Variants in B3GAT2 observed in about 807,000 individuals in gnomAD.
B3GAT2 encodes beta-1,3-glucuronyltransferase 2, also known as galactosylgalactosylxylosylprotein 3-beta-glucuronosyltransferase 2.
A neutral mutation model predicts 27.8 loss-of-function variants in B3GAT2; 26 were observed. The ratio of observed to expected loss-of-function variants is 0.93; its 90% CI spans 0.68 to 1.30. The LOEUF is 1.30. B3GAT2 is among the 50% of genes most tolerant of loss of function. The probability of loss-of-function intolerance (pLI) is 0.00; values close to 1 mark genes in which losing one functional copy is unlikely to be tolerated. For synonymous variants in B3GAT2, 218 were observed against 195.1 expected (o/e 1.12, Z -0.98); for missense variants, 458 against 459.0 (o/e 1.00, Z 0.02).
rs68188898 is a variant in B3GAT2, at chr6:70,858,287, CTTTTTTTT to C, written c.*3368_*3375del. ...ATCAAACCAGATTTATTTTCTAAAT[CTTTTTTTT>C]TTTTTTTTTTTTTTTTTTTTAAGTC... On this transcript the variant is annotated 3_prime_UTR_variant, in exon 4 of 4. Transcript: ENST00000230053. 230 of 290,694 alleles carry C rather than the reference CTTTTTTTT, an allele frequency of 7.9e-4. 1 individual carries two copies. Among genetic ancestry groups the C allele is most frequent in the African/African-American group, 5.1e-3 (118 of 23,084 alleles). The allele number at this position is 290,694 out of a possible 1,614,324, so 18.0% of individuals were successfully genotyped here.
intron 1 of B3GAT2, among the ~76,000 whole-genome samples, chr6:70,915,319 G>A (rs1429387155): frequency 1.3e-5 from 2 of 151,626 alleles, no homozygotes; most frequent in African/African-American, 4.8e-5. Context: ...TTTGTCAGAT[G>A]GATAGATTGA....
At position 70,956,637 on chromosome 6, in the gene B3GAT2, AG is replaced by A. The variant is rs1310721498; in HGVS notation, c.-209del. 3.6e-6 allele frequency: 5 copies of A among 1,399,488 alleles called. No homozygotes were observed. In the Admixed American group the frequency reaches 9.1e-5, roughly 25 times the overall value. The allele number at this position is 1,399,488 out of a possible 1,614,324, so 86.7% of individuals were successfully genotyped here. A position where few individuals can be genotyped will look rare whatever the true frequency, so the allele number is the denominator to read the frequency against. On this transcript the variant is annotated 5_prime_UTR_variant, in exon 1 of 4. Transcript: ENST00000230053. ...CAGGTTCGCGCAAGCTAGAGCGACAAGGGGTGCAGGCGGGCGGGCAGGGGCT... is the reference window on the plus strand; with the variant it reads ...CAGGTTCGCGCAAGCTAGAGCGACAAGGGTGCAGGCGGGCGGGCAGGGGCT...
chr6:70,949,184 C>A (rs1250436082), intron 1 of B3GAT2, among the ~76,000 whole-genome samples: 4 of 151,864 alleles, frequency 2.6e-5, no homozygotes, highest in Non-Finnish European at 5.9e-5. Flanking sequence ...GCATTGGCAA[C>A]AAAAGCCAAA....
At chr6:70,929,239 C>T (rs558717548) in intron 1 of B3GAT2, among the ~76,000 whole-genome samples, 1 of 151,952 alleles carries the variant, frequency 6.6e-6, no homozygotes, top group African/African-American at 2.4e-5. Flanking sequence ...AGGAGATATA[C>T]CTAATGTAAA....
intron 2 of B3GAT2, among the ~76,000 whole-genome samples, chr6:70,862,503 A>C (rs556910720): frequency 2.6e-4 from 39 of 152,328 alleles, no homozygotes; most frequent in African/African-American, 9.1e-4. Context: ...AAAATGAATC[A>C]TACCTAATTT....
intron 1 of B3GAT2, among the ~76,000 whole-genome samples, chr6:70,923,428 G>C (rs1163097518): frequency 6.6e-6 from 1 of 152,112 alleles, no homozygotes; most frequent in African/African-American, 2.4e-5. Context: ...CGTAATCCCT[G>C]CACTTTGGGA....
chr6:70,930,020 C>A (rs774999535), intron 1 of B3GAT2, among the ~76,000 whole-genome samples: 5 of 152,016 alleles, frequency 3.3e-5, no homozygotes, highest in Non-Finnish European at 7.4e-5. Flanking sequence ...CAGAACAGAG[C>A]CCTCAGAAAT....
chr6:70,933,167 A>G (rs1417906702), intron 1 of B3GAT2, among the ~76,000 whole-genome samples: 1 of 152,192 alleles, frequency 6.6e-6, no homozygotes, highest in Non-Finnish European at 1.5e-5. Flanking sequence ...ATTTTAAACT[A>G]TAGGACAATC....
chr6:70,921,121 T>C (rs1772862399), intron 1 of B3GAT2, among the ~76,000 whole-genome samples: 1 of 152,182 alleles, frequency 6.6e-6, no homozygotes, highest in Non-Finnish European at 1.5e-5. Context: ...TTGTCTTGTA[T>C]AGTATCTCAC....
At chr6:70,912,487 T>A (rs1317004890) in intron 1 of B3GAT2, among the ~76,000 whole-genome samples, 1 of 152,182 alleles carries the variant, frequency 6.6e-6, no homozygotes, top group East Asian at 1.9e-4. Context: ...CCTACTTGGA[T>A]CATGGTGGAT....
intron 1 of B3GAT2, among the ~76,000 whole-genome samples, chr6:70,928,344 C>T (rs990548377): frequency 2.6e-5 from 4 of 151,504 alleles, no homozygotes; most frequent in African/African-American, 9.7e-5. Context: ...CAGACCAGAA[C>T]TGAAGGCGAC....
chr6:70,859,715 T>G lies in B3GAT2; in HGVS notation c.*1948A>C, dbSNP rs7776008. ...TATGCTTTATTGCATACAATGAAAA[T>G]AAATTTTAGATGTTTATGTTGTTAG... On this transcript the variant is annotated 3_prime_UTR_variant, in exon 4 of 4. Transcript: ENST00000230053. 2.1e-4 allele frequency: 41 copies of G among 197,762 alleles called. No homozygotes were observed. Among genetic ancestry groups the G allele is most frequent in the African/African-American group, 9.3e-4 (40 of 43,196 alleles). 12.3% of individuals were successfully genotyped at this position (197,762 alleles called of 1,614,324 possible).
At chr6:70,936,719 CAACAT>C (rs938626044) in intron 1 of B3GAT2, among the ~76,000 whole-genome samples, 22 of 151,838 alleles carry the variant, frequency 1.4e-4, no homozygotes, top group Non-Finnish European at 2.8e-4. Context: ...AACAAAGACA[CAACAT>C]ACCAGAATCT....
intron 1 of B3GAT2, among the ~76,000 whole-genome samples, chr6:70,952,060 A>C (rs1389928633): frequency 1.3e-5 from 2 of 152,202 alleles, no homozygotes; most frequent in African/African-American, 4.8e-5. Flanking sequence ...GACTCCAATA[A>C]GCAGCAGGTA....
At chr6:70,917,900 A>G (rs1237862821) in intron 1 of B3GAT2, among the ~76,000 whole-genome samples, 2 of 152,138 alleles carry the variant, frequency 1.3e-5, no homozygotes, top group Non-Finnish European at 2.9e-5. Context: ...AGTTCTGTAG[A>G]TGTCTATTAG....
intron 1 of B3GAT2, 28 bp downstream of exon 1, chr6:70,955,811 C>A: frequency 6.4e-7 from 1 of 1,551,644 alleles, no homozygotes; most frequent in Non-Finnish European, 8.7e-7. Flanking sequence ...CCGCCCTCGC[C>A]CACCCAGCGG....
intron 2 of B3GAT2, among the ~76,000 whole-genome samples, chr6:70,872,884 C>A (rs979024493): frequency 6.6e-6 from 1 of 151,906 alleles, no homozygotes; most frequent in Non-Finnish European, 1.5e-5. Context: ...TTATAATTAA[C>A]ATTTCAATTT....
At chr6:70,903,986 T>C (rs2150036054) in intron 1 of B3GAT2, among the ~76,000 whole-genome samples, 1 of 152,284 alleles carries the variant, frequency 6.6e-6, no homozygotes, top group East Asian at 1.9e-4. Flanking sequence ...ATGGTCCAAA[T>C]GTTCATCAAC....
chr6:70,909,974 T>G (rs1263271223), intron 1 of B3GAT2, among the ~76,000 whole-genome samples: 1 of 151,988 alleles, frequency 6.6e-6, no homozygotes, highest in Non-Finnish European at 1.5e-5. Context: ...CCCGAGTTCA[T>G]GCCATTCTCC....
Sources: allele counts gnomAD v4.1 joint callset (sites outside exome capture counted in the v4.1 genomes callset), GRCh38; gene constraint gnomAD v4.1.1; transcripts MANE v1.5; gene names NCBI Gene and HGNC (gene_info 2026-07-23, HGNC 2026-07-21).